The following PLXNA2 variants were observed in gnomAD, a reference collection of about 807,000 sequenced individuals.
PLXNA2 encodes plexin A2, also known as plexin-A2.
In PLXNA2, 91 loss-of-function variants were observed where a neutral mutation model predicts 193.5. The ratio of observed to expected loss-of-function variants is 0.47; its 90% confidence interval spans 0.40 to 0.56. The LOEUF (loss-of-function observed/expected upper bound fraction) is 0.56, where lower values mean the gene tolerates loss of function less well. PLXNA2 is among the 20% of genes least tolerant of loss of function. The probability of loss-of-function intolerance (pLI) is 0.00; values close to 1 mark genes in which losing one functional copy is unlikely to be tolerated. For synonymous variants in PLXNA2, 997 were observed against 1,027.3 expected, an observed-to-expected ratio of 0.97 and a Z score of 0.56; for missense variants, 1,995 against 2,503.2, an observed-to-expected ratio of 0.80 and a Z score of 4.33.
At chr1:208,098,444 TCTCTCTCTCTCTCTCA>T (rs1666978956) in intron 6 of PLXNA2, among the ~76,000 whole-genome samples, 1 of 118,828 alleles carries the variant, frequency 8.4e-6, no homozygotes, top group African/African-American at 3.1e-5. Flanking sequence ...TCTCTCTCTC[TCTCTCTCTCTCTCTCA>T]CACACACACA....
At chr1:208,215,130 G>A (rs1257101619) in intron 2 of PLXNA2, among the ~76,000 whole-genome samples, 1 of 152,036 alleles carries the variant, frequency 6.6e-6, no homozygotes, top group Non-Finnish European at 1.5e-5. Context: ...AGAGTAGCTG[G>A]TACTACAGGT....
Position 208,024,719 on chromosome 1 carries a change from G to C in PLXNA2, c.*2524C>G, listed in dbSNP as rs1664287671. On this transcript the variant is annotated 3_prime_UTR_variant, in exon 32 of 32. Transcript: ENST00000367033. The stretch of plus-strand genomic sequence containing the variant: ...AACTGCTGGGAGATGCCAGGTAGAT[G>C]CATTGAGTTAAGGGCTGGTAGAGAT... 6.6e-6 allele frequency: 1 copy of C among 152,236 alleles called. No homozygotes were observed. The allele number at this position is 152,236 out of a possible 1,614,324, so 9.4% of individuals were successfully genotyped here.
At chr1:208,029,939 G>T (rs1167407435) in intron 29 of PLXNA2, 28 of 985,398 alleles carry the variant, frequency 2.8e-5, no homozygotes, top group Non-Finnish European at 3.4e-5. Context: ...TCCTGTCACA[G>T]GCTTGTCCTC....
chr1:208,152,643 C>A (rs1232832419), intron 3 of PLXNA2, among the ~76,000 whole-genome samples: 1 of 149,082 alleles, frequency 6.7e-6, no homozygotes, highest in African/African-American at 2.5e-5. Flanking sequence ...AAAAGTAAAT[C>A]ATGGCATGTA....
intron 3 of PLXNA2, among the ~76,000 whole-genome samples, chr1:208,145,489 C>T (rs1237261012): frequency 6.6e-6 from 1 of 152,196 alleles, no homozygotes; most frequent in Non-Finnish European, 1.5e-5. Context: ...TCTTCATCTG[C>T]CTTTTCCTAC....
At chr1:208,211,757 GCTA>G in intron 2 of PLXNA2, among the ~76,000 whole-genome samples, 2 of 152,068 alleles carry the variant, frequency 1.3e-5, no homozygotes, top group Middle Eastern at 3.5e-3. Context: ...CCCCTGTTCT[GCTA>G]CTAACTGGTT....
At chr1:208,029,555 C>T in intron 29 of PLXNA2, 3 of 991,414 alleles carry the variant, frequency 3.0e-6, no homozygotes, top group Non-Finnish European at 3.6e-6. Context: ...CTGGCCTGGC[C>T]TGGCTGGGCC....
chr1:208,064,457 C>A (rs1259728752), intron 12 of PLXNA2, among the ~76,000 whole-genome samples: 3 of 152,202 alleles, frequency 2.0e-5, no homozygotes, highest in Non-Finnish European at 4.4e-5. Flanking sequence ...CATTCAATAG[C>A]ACATCCTTCA....
At chr1:208,121,383 A>G (rs906614858) in intron 4 of PLXNA2, among the ~76,000 whole-genome samples, 2 of 152,224 alleles carry the variant, frequency 1.3e-5, no homozygotes, top group Admixed American at 1.3e-4. Flanking sequence ...TGCTTATGAA[A>G]AAAGAATACT....
intron 1 of PLXNA2, among the ~76,000 whole-genome samples, chr1:208,220,255 A>C (rs1671282627): frequency 6.6e-6 from 1 of 152,146 alleles, no homozygotes; most frequent in Non-Finnish European, 1.5e-5. Flanking sequence ...GTTAGACAGA[A>C]TCTGGGAACA....
At chr1:208,110,265 A>T (rs1667422262) in intron 4 of PLXNA2, among the ~76,000 whole-genome samples, 1 of 152,162 alleles carries the variant, frequency 6.6e-6, no homozygotes, top group Non-Finnish European at 1.5e-5. Context: ...AAATTCCCAC[A>T]CCACTTTCTG....
Position 208,023,227 on chromosome 1 carries a change from T to C in PLXNA2, c.*4016A>G, listed in dbSNP as rs1042130081. 1.3e-5 allele frequency: 2 copies of C among 152,514 alleles called. No homozygotes were observed. The highest frequency in any genetic ancestry group is 4.8e-5 in the African/African-American group (2 of 41,418). 9.4% of individuals were successfully genotyped at this position (152,514 alleles called of 1,614,324 possible). ...CTGAGTCTCAATTCTTTTCTCTCTG[T>C]GCCCAGGCCCCAGGAGTCTCATGCA... is the stretch of plus-strand genomic sequence containing the variant. On this transcript the variant is annotated 3_prime_UTR_variant, in exon 32 of 32. Coordinates refer to ENST00000367033, the MANE Select transcript of PLXNA2 (RefSeq NM_025179.4).
chr1:208,038,506 T>C lies in PLXNA2; in HGVS notation c.4661-32A>G. Reference sequence around the variant, plus strand: ...GGAGGGGGTGGTGCAGGGAGCGGCGTGAGAGGGATGAGGGCTGTGAGCCAG... The same window carrying C: ...GGAGGGGGTGGTGCAGGGAGCGGCGCGAGAGGGATGAGGGCTGTGAGCCAG... On this transcript the variant is annotated intron_variant, in intron 25 of 31. Coordinates refer to ENST00000367033, the MANE Select transcript of PLXNA2 (RefSeq NM_025179.4). This position sits in a 1 kb window ranked among gnomAD's most constrained non-coding sequence, Gnocchi z 4.1. 6.6e-7 allele frequency: 1 copy of C among 1,507,426 alleles called. No individual in the cohort carries two copies. Among genetic ancestry groups the C allele is most frequent in the Non-Finnish European group, 9.2e-7 (1 of 1,082,900 alleles). The allele number at this position is 1,507,426 out of a possible 1,614,324, so 93.4% of individuals were successfully genotyped here. A position where few individuals can be genotyped will look rare whatever the true frequency, so the allele number is the denominator to read the frequency against.
At chr1:208,187,793 G>T (rs1186275198) in intron 3 of PLXNA2, among the ~76,000 whole-genome samples, 2 of 152,182 alleles carry the variant, frequency 1.3e-5, no homozygotes, top group African/African-American at 4.8e-5. Context: ...GGTTCTTTCT[G>T]ATGCTGCTGA....
intron 3 of PLXNA2, among the ~76,000 whole-genome samples, chr1:208,151,623 G>A (rs1668765501): frequency 6.6e-6 from 1 of 152,192 alleles, no homozygotes; most frequent in East Asian, 1.9e-4. Context: ...TATAAGTTTA[G>A]TTCAACACAT....
chr1:208,130,822 C>A (rs77530426), intron 4 of PLXNA2, among the ~76,000 whole-genome samples: 2 of 152,218 alleles, frequency 1.3e-5, no homozygotes, highest in Admixed American at 6.5e-5. Flanking sequence ...CATTGAGAAA[C>A]CTTATCTGAC....
chr1:208,064,288 C>T (rs1558172725), intron 12 of PLXNA2, among the ~76,000 whole-genome samples: 1 of 152,320 alleles, frequency 6.6e-6, no homozygotes, highest in Admixed American at 6.5e-5. Flanking sequence ...GCCAGGGTGA[C>T]CTTCATGAAC....
chr1:208,079,740 C>T (rs529678384), intron 11 of PLXNA2, among the ~76,000 whole-genome samples: 1 of 152,248 alleles, frequency 6.6e-6, no homozygotes, highest in Admixed American at 6.5e-5. Context: ...GAGAGGATTC[C>T]ACCTCCTTGA....
chr1:208,027,170 G>GTCCT lies in PLXNA2; in HGVS notation c.*69_*72dup. ...CTCTGGGGCCTGATCCCCATCACTTGTCCTTCCATCTGAGACTCCCAGTGT... is the reference window on the plus strand; with the variant it reads ...CTCTGGGGCCTGATCCCCATCACTTGTCCTTCCTTCCATCTGAGACTCCCAGTGT... On this transcript the variant is annotated 3_prime_UTR_variant, in exon 32 of 32. Coordinates refer to ENST00000367033, the MANE Select transcript of PLXNA2 (RefSeq NM_025179.4). The GTCCT allele has an allele frequency of 7.6e-7, 1 of 1,318,332 alleles. No individual in the cohort carries two copies. The highest frequency in any genetic ancestry group is 1.1e-6 in the Non-Finnish European group (1 of 920,536). The allele number at this position is 1,318,332 out of a possible 1,614,324, so 81.7% of individuals were successfully genotyped here. A position where few individuals can be genotyped will look rare whatever the true frequency, so the allele number is the denominator to read the frequency against.
Sources: allele counts gnomAD v4.1 joint callset (sites outside exome capture counted in the v4.1 genomes callset), GRCh38; gene constraint gnomAD v4.1.1; non-coding constraint Gnocchi (gnomAD v3.1); transcripts MANE v1.5; gene names NCBI Gene and HGNC (gene_info 2026-07-23, HGNC 2026-07-21).